The following UPF2 variants were observed in gnomAD, a reference collection of about 807,000 sequenced individuals.
UPF2 encodes UPF2 regulator of nonsense mediated mRNA decay.
A neutral mutation model predicts 141.4 loss-of-function variants in UPF2; 17 were observed. The observed-to-expected ratio is 0.12, with a 90% CI of 0.08 to 0.18. UPF2 has a LOEUF of 0.18. Ranked by LOEUF, UPF2 falls within the 10% of genes least tolerant of loss-of-function variation. UPF2 has a pLI of 1.00. For missense variants in UPF2, 1,152 were observed against 1,515.9 expected, an observed-to-expected ratio of 0.76 and a Z score of 3.99; for synonymous variants, 540 against 498.0, an observed-to-expected ratio of 1.08 and a Z score of -1.12.
chr10:11,988,308 T>A (rs1047002091), intron 8 of UPF2, among the ~76,000 whole-genome samples: 2 of 152,212 alleles, frequency 1.3e-5, no homozygotes, highest in Non-Finnish European at 2.9e-5. Context: ...GCTGTGTTTA[T>A]TTTTGTAATT....
intron 15 of UPF2, 62 bp from the exon 16 acceptor site, chr10:11,948,570 C>T (rs1368698147): frequency 6.5e-7 from 1 of 1,542,134 alleles, no homozygotes; most frequent in Non-Finnish European, 8.8e-7. Flanking sequence ...TAGTTTTCTA[C>T]ACTATACCAA....
chr10:12,042,539 C>T lies in UPF2; in HGVS notation c.-19+216G>A, dbSNP rs2131326791. Among the ~76,000 whole-genome samples the T allele has an allele frequency of 6.6e-6, 1 of 152,298 alleles. No individual in the cohort carries two copies. On this transcript the variant is annotated intron_variant, in intron 1 of 21. Transcript: ENST00000357604. The surrounding 1 kb of genome is among the most constrained non-coding windows in gnomAD (Gnocchi z 5.5). Reference sequence around the variant, plus strand: ...CACCGCCCCCCAAGCATGGCCCGGCCCGGGGGCTCCCGCGTTGATGGGAGC... The same window carrying T: ...CACCGCCCCCCAAGCATGGCCCGGCTCGGGGGCTCCCGCGTTGATGGGAGC...
chr10:12,025,615 T>C (rs1004205543), intron 3 of UPF2, among the ~76,000 whole-genome samples: 4 of 152,170 alleles, frequency 2.6e-5, no homozygotes, highest in Non-Finnish European at 2.9e-5. Flanking sequence ...GTTTACACTA[T>C]GTAAGTAAAC....
At chr10:11,984,384 C>CT (rs1833651722) in intron 8 of UPF2, among the ~76,000 whole-genome samples, 1 of 152,054 alleles carries the variant, frequency 6.6e-6, no homozygotes, top group Admixed American at 6.6e-5. Flanking sequence ...ATTTCTTAAA[C>CT]TTTTTAATGT....
intron 4 of UPF2, among the ~76,000 whole-genome samples, chr10:12,012,623 C>A (rs1335288092): frequency 1.3e-5 from 2 of 151,492 alleles, no homozygotes; most frequent in African/African-American, 4.9e-5. Flanking sequence ...CATGGTGAAA[C>A]CCCGTCTCTA....
At chr10:11,984,693 G>A (rs1472191990) in intron 8 of UPF2, among the ~76,000 whole-genome samples, 6 of 149,314 alleles carry the variant, frequency 4.0e-5, no homozygotes, top group African/African-American at 1.5e-4. Flanking sequence ...CCCACAAAAA[G>A]GCAGATATAG....
intron 1 of UPF2, among the ~76,000 whole-genome samples, chr10:12,036,548 C>T (rs1834628680): frequency 6.6e-6 from 1 of 152,106 alleles, no homozygotes; most frequent in Non-Finnish European, 1.5e-5. Flanking sequence ...ATAGCATTGG[C>T]CTATAGTACA....
intron 10 of UPF2, among the ~76,000 whole-genome samples, chr10:11,966,552 G>A (rs933393707): frequency 1.6e-4 from 25 of 152,026 alleles, no homozygotes; most frequent in Admixed American, 1.1e-3. Context: ...AGCCTCCCGA[G>A]TAGCTGGGAT....
At chr10:11,942,519 C>A in intron 18 of UPF2, 146 bp downstream of exon 18, 2 of 598,088 alleles carry the variant, frequency 3.3e-6, no homozygotes, top group Non-Finnish European at 5.7e-6. Context: ...GGACAAGAAG[C>A]TGGCTGCAAG....
chr10:12,034,498 GAA>G (rs778686943), intron 2 of UPF2, among the ~76,000 whole-genome samples: 19 of 151,596 alleles, frequency 1.3e-4, no homozygotes, highest in Non-Finnish European at 2.5e-4. Context: ...AATTTTGTAT[GAA>G]AAAAAGTCTT....
At chr10:11,925,427 C>T (rs1040789001) in intron 21 of UPF2, among the ~76,000 whole-genome samples, 1 of 152,186 alleles carries the variant, frequency 6.6e-6, no homozygotes, top group African/African-American at 2.4e-5. Flanking sequence ...GGAATGAGAA[C>T]GTTTATTCAG....
At chr10:12,007,446 T>C (rs769119194) in intron 4 of UPF2, among the ~76,000 whole-genome samples, 3 of 152,046 alleles carry the variant, frequency 2.0e-5, no homozygotes, top group Non-Finnish European at 4.4e-5. Flanking sequence ...GTAAAAATAC[T>C]ACCAAATCAA....
intron 8 of UPF2, among the ~76,000 whole-genome samples, chr10:11,996,548 T>C (rs1317144431): frequency 6.6e-6 from 1 of 152,174 alleles, no homozygotes; most frequent in Non-Finnish European, 1.5e-5. Flanking sequence ...TTCACCATGT[T>C]GGTCAGGCTG....
chr10:11,950,875 A>T (rs1224818365), intron 15 of UPF2, among the ~76,000 whole-genome samples: 2 of 152,242 alleles, frequency 1.3e-5, no homozygotes, highest in East Asian at 3.8e-4. Context: ...ATACTTGCAC[A>T]ATCAGTAGCA....
Position 11,971,051 on chromosome 10 carries a change from A to G in UPF2, c.1954-3597T>C, listed in dbSNP as rs570305382. On this transcript the variant is annotated intron_variant, in intron 9 of 21. Transcript: ENST00000357604. ...CACATCATATATTTACATTAATTCT[A>G]ATTATTCTGAAATATTATAAAGGTT... 5.0e-4 allele frequency among the ~76,000 whole-genome samples: 76 copies of G among 152,182 alleles called. 1 individual carries two copies. Among genetic ancestry groups the G allele is most frequent in the African/African-American group, 1.7e-3 (72 of 41,526 alleles).
intron 5 of UPF2, among the ~76,000 whole-genome samples, 176 bp downstream of exon 5, chr10:12,004,352 AAT>A (rs1398640185): frequency 6.6e-6 from 1 of 152,210 alleles, no homozygotes. Flanking sequence ...AAAGTATGTC[AAT>A]TATCATCCTT....
chr10:12,039,855 G>A (rs1306075800), intron 1 of UPF2, among the ~76,000 whole-genome samples: 1 of 152,010 alleles, frequency 6.6e-6, no homozygotes, highest in Non-Finnish European at 1.5e-5. Context: ...CCCGACCTCA[G>A]GTGATCTGCC....
chr10:12,034,992 GT>G (rs1329154800), intron 2 of UPF2, 66 bp downstream of exon 2: 3 of 1,504,370 alleles, frequency 2.0e-6, no homozygotes, highest in African/African-American at 2.8e-5. Context: ...TTCAAATAAT[GT>G]TTTTTTCCCA....
intron 8 of UPF2, among the ~76,000 whole-genome samples, chr10:11,984,680 T>TC (rs1200324114): frequency 1.4e-5 from 2 of 142,210 alleles, no homozygotes; most frequent in East Asian, 4.1e-4. Context: ...ATCTACTGAG[T>TC]CCCCCACAAA....
Sources: gnomAD v4.1 joint callset for allele counts (sites outside exome capture counted in the v4.1 genomes callset) on GRCh38, gnomAD v4.1.1 for gene constraint, Gnocchi (gnomAD v3.1) non-coding constraint, MANE v1.5 for transcripts, NCBI Gene and HGNC (gene_info 2026-07-23, HGNC 2026-07-21) for gene names.